Variants in MLIP observed in about 807,000 individuals in gnomAD.
MLIP encodes the protein muscular LMNA interacting protein, also known as muscular LMNA-interacting protein.
In MLIP, 79 loss-of-function variants were observed where a neutral mutation model predicts 84.8. The ratio of observed to expected loss-of-function variants is 0.93; its 90% confidence interval spans 0.78 to 1.12. MLIP has a LOEUF of 1.12. MLIP is among the 50% of genes most tolerant of loss of function. The probability of loss-of-function intolerance (pLI) is 0.00; values close to 1 mark genes in which losing one functional copy is unlikely to be tolerated. For missense variants in MLIP, 1,257 were observed against 1,160.6 expected (o/e 1.08, Z -1.21); for synonymous variants, 504 against 463.0 (o/e 1.09, Z -1.14).
intron 1 of MLIP, among the ~76,000 whole-genome samples, chr6:54,035,631 GTAT>G (rs1764388744): frequency 6.6e-6 from 1 of 151,810 alleles, no homozygotes; most frequent in South Asian, 2.1e-4. Flanking sequence ...CCAGCATTTG[GTAT>G]TATTATTTTT....
chr6:54,181,944 T>C (rs1238915330), intron 9 of MLIP, among the ~76,000 whole-genome samples: 1 of 152,190 alleles, frequency 6.6e-6, no homozygotes, highest in African/African-American at 2.4e-5. Context: ...AAGGAGTCAC[T>C]TTTGTTGCTG....
chr6:54,252,126 AC>A lies in MLIP; in HGVS notation c.2923-5181del, dbSNP rs1400909876. Among the ~76,000 whole-genome samples the A allele has an allele frequency of 8.4e-4, 84 of 100,326 alleles. 2 individuals are homozygous for A. The highest frequency in any genetic ancestry group is 3.6e-3 in the African/African-American group (78 of 21,890). 65.8% of individuals were successfully genotyped at this position (100,326 alleles called of 152,430 possible). A position where few individuals can be genotyped will look rare whatever the true frequency, so the allele number is the denominator to read the frequency against. On this transcript the variant is annotated intron_variant, in intron 12 of 13. Transcript: ENST00000502396. ...ACATATAATATATAACTATATTATA[AC>A]ATATAATATATAACTATAATATAAC...
intron 9 of MLIP, among the ~76,000 whole-genome samples, chr6:54,177,531 A>T (rs1776414769): frequency 6.6e-6 from 1 of 152,202 alleles, no homozygotes; most frequent in Non-Finnish European, 1.5e-5. Context: ...ATTATTAAAA[A>T]AGTCAAGAAA....
intron 1 of MLIP, among the ~76,000 whole-genome samples, chr6:54,091,686 A>C (rs113045579): frequency 1.2e-4 from 19 of 152,258 alleles, no homozygotes; most frequent in African/African-American, 4.3e-4. Flanking sequence ...ACTTGATCCT[A>C]AGTGTCTGAG....
intron 9 of MLIP, among the ~76,000 whole-genome samples, chr6:54,182,603 C>T (rs955529682): frequency 6.6e-6 from 1 of 152,174 alleles, no homozygotes; most frequent in African/African-American, 2.4e-5. Context: ...TGCTCCACCC[C>T]TCAGGGATGA....
intron 1 of MLIP, among the ~76,000 whole-genome samples, chr6:54,048,142 C>A (rs1765173877): frequency 1.3e-5 from 2 of 152,136 alleles, no homozygotes; most frequent in South Asian, 4.1e-4. Flanking sequence ...GAGAGAAGAG[C>A]TGTTCCCAAT....
chr6:54,070,017 T>A, intron 1 of MLIP, among the ~76,000 whole-genome samples: 1 of 151,548 alleles, frequency 6.6e-6, no homozygotes. Context: ...GTTTTAAAAT[T>A]TTTGTCACAG....
At chr6:54,138,433 T>C in intron 4 of MLIP, 147 bp downstream of exon 4, 1 of 835,914 alleles carries the variant, frequency 1.2e-6, no homozygotes, top group Non-Finnish European at 1.8e-6. Context: ...CAGGACTTGG[T>C]ATATTTGAAT....
intron 1 of MLIP, among the ~76,000 whole-genome samples, chr6:54,057,731 T>G (rs1765742739): frequency 1.3e-5 from 2 of 152,204 alleles, no homozygotes; most frequent in South Asian, 2.1e-4. Flanking sequence ...CTTTTTCTTT[T>G]TAAACATTGG....
chr6:54,047,532 A>T (rs1468786364), intron 1 of MLIP: 1 of 152,238 alleles, frequency 6.6e-6, no homozygotes, highest in Non-Finnish European at 1.5e-5. Context: ...TTGAAGCAAA[A>T]AACTATGATG....
At chr6:54,059,696 TAAC>T (rs1765854936) in intron 1 of MLIP, among the ~76,000 whole-genome samples, 1 of 152,180 alleles carries the variant, frequency 6.6e-6, no homozygotes, top group African/African-American at 2.4e-5. Flanking sequence ...CCATAATAAA[TAAC>T]AAGATTAGTA....
chr6:54,048,324 T>C (rs1290941193), intron 1 of MLIP, among the ~76,000 whole-genome samples: 1 of 152,154 alleles, frequency 6.6e-6, no homozygotes, highest in African/African-American at 2.4e-5. Flanking sequence ...GCTGAAATCA[T>C]TATGGAAAAT....
intron 8 of MLIP, among the ~76,000 whole-genome samples, chr6:54,161,558 G>C (rs1774643998): frequency 6.6e-6 from 1 of 150,964 alleles, no homozygotes; most frequent in South Asian, 2.1e-4. Context: ...TGATTTTTTT[G>C]GTCAGCCTTA....
At chr6:54,111,651 G>A in intron 1 of MLIP, 76 bp downstream of exon 1, 2 of 1,410,500 alleles carry the variant, frequency 1.4e-6, no homozygotes, top group Non-Finnish European at 1.9e-6. Context: ...TTTGCTGCAA[G>A]GATGTGAGGG....
intron 1 of MLIP, among the ~76,000 whole-genome samples, chr6:54,089,141 T>C (rs972590249): frequency 6.6e-5 from 10 of 152,188 alleles, no homozygotes; most frequent in African/African-American, 2.2e-4. Flanking sequence ...TGAGTTTCAG[T>C]TGAATTGATA....
intron 1 of MLIP, among the ~76,000 whole-genome samples, chr6:54,038,784 T>G (rs565673493): frequency 6.6e-6 from 1 of 152,100 alleles, no homozygotes; most frequent in African/African-American, 2.4e-5. Flanking sequence ...CTTTCTTTTG[T>G]TTCTTTTTGG....
intron 10 of MLIP, 21 bp downstream of exon 10, chr6:54,189,935 A>G: frequency 3.2e-6 from 5 of 1,553,544 alleles, no homozygotes; most frequent in Non-Finnish European, 4.4e-6. Flanking sequence ...TCTAAGTCAC[A>G]GATCTACTGC....
At chr6:54,144,577 T>C (rs934815349) in intron 4 of MLIP, among the ~76,000 whole-genome samples, 2 of 152,154 alleles carry the variant, frequency 1.3e-5, no homozygotes, top group African/African-American at 4.8e-5. Flanking sequence ...ACAATAGGGT[T>C]TGCACTCCTA....
chr6:54,223,117 T>G (rs1582548465), intron 11 of MLIP, among the ~76,000 whole-genome samples: 1 of 152,150 alleles, frequency 6.6e-6, no homozygotes, highest in Non-Finnish European at 1.5e-5. Context: ...TTTTTTCAAA[T>G]ACATATATTT....
Sources: allele counts gnomAD v4.1 joint callset (sites outside exome capture counted in the v4.1 genomes callset), GRCh38; gene constraint gnomAD v4.1.1; transcripts MANE v1.5; gene names NCBI Gene and HGNC (gene_info 2026-07-23, HGNC 2026-07-21).